CLSTN2: variants seen among roughly 807,000 people sequenced by gnomAD.
CLSTN2 encodes calsyntenin 2, also known as calsyntenin-2.
In CLSTN2, 48 loss-of-function variants were observed where a neutral mutation model predicts 101.2. The ratio of observed to expected loss-of-function variants is 0.47; its 90% CI spans 0.38 to 0.60. CLSTN2 has a LOEUF of 0.60. Ranked by LOEUF, CLSTN2 falls within the 20% of genes least tolerant of loss-of-function variation. The probability of loss-of-function intolerance (pLI) is 0.00; values close to 1 mark genes in which losing one functional copy is unlikely to be tolerated. For synonymous variants in CLSTN2, 481 were observed against 463.6 expected (o/e 1.04, Z -0.48); for missense variants, 1,160 against 1,238.2 (o/e 0.94, Z 0.95).
chr3:140,222,613 A>C lies in CLSTN2; in HGVS notation c.232+46540A>C, dbSNP rs189049739. 6.6e-5 allele frequency among the ~76,000 whole-genome samples: 10 copies of C among 152,314 alleles called. No homozygotes were observed. In the East Asian group the frequency reaches 1.9e-3, roughly 29 times the overall value. ...ATATATATACCTACTATGTACCCAC[A>C]AAAATTAAAAATGAAAAACTTTTTA... On this transcript the variant is annotated intron_variant, in intron 2 of 16. Coordinates refer to ENST00000458420, the MANE Select transcript of CLSTN2 (RefSeq NM_022131.3).
chr3:139,975,617 T>C (rs1935803467), intron 1 of CLSTN2, among the ~76,000 whole-genome samples: 1 of 152,058 alleles, frequency 6.6e-6, no homozygotes, highest in Non-Finnish European at 1.5e-5. Context: ...CATGTGAAGA[T>C]AGGAATGAAA....
chr3:139,942,888 T>A (rs921744985), intron 1 of CLSTN2, among the ~76,000 whole-genome samples: 1 of 152,170 alleles, frequency 6.6e-6, no homozygotes, highest in Non-Finnish European at 1.5e-5. Flanking sequence ...AGGCAACTTA[T>A]TTCCAATACT....
intron 1 of CLSTN2, among the ~76,000 whole-genome samples, chr3:140,107,627 T>C (rs2009081527): frequency 6.6e-6 from 1 of 152,182 alleles, no homozygotes; most frequent in Non-Finnish European, 1.5e-5. Flanking sequence ...AAGAAAATTT[T>C]CCTGTTTGTC....
intron 16 of CLSTN2, among the ~76,000 whole-genome samples, chr3:140,565,483 A>G (rs568263844): frequency 6.6e-6 from 1 of 152,280 alleles, no homozygotes; most frequent in African/African-American, 2.4e-5. Context: ...AGGAAGGGGT[A>G]CAGCCTGAGG....
chr3:139,960,173 A>T (rs981849417), intron 1 of CLSTN2, among the ~76,000 whole-genome samples: 1 of 152,238 alleles, frequency 6.6e-6, no homozygotes, highest in Non-Finnish European at 1.5e-5. Flanking sequence ...AAATGCTCCC[A>T]TCATGACTGA....
intron 2 of CLSTN2, among the ~76,000 whole-genome samples, chr3:140,312,823 T>C (rs1010019342): frequency 9.2e-5 from 14 of 152,360 alleles, no homozygotes; most frequent in African/African-American, 2.9e-4. Context: ...GAAAGAGAGA[T>C]GGAAATTTGC....
chr3:140,142,391 G>C, intron 1 of CLSTN2, among the ~76,000 whole-genome samples: 1 of 152,112 alleles, frequency 6.6e-6, no homozygotes, highest in Non-Finnish European at 1.5e-5. Flanking sequence ...GACTGTTCAG[G>C]CCCACACTGG....
chr3:140,554,312 C>T (rs879055179), intron 10 of CLSTN2, among the ~76,000 whole-genome samples: 1 of 152,154 alleles, frequency 6.6e-6, no homozygotes, highest in Admixed American at 6.5e-5. Flanking sequence ...ACATCCAACT[C>T]CTGTTTCAGT....
intron 2 of CLSTN2, among the ~76,000 whole-genome samples, chr3:140,343,180 T>G (rs1015942019): frequency 2.6e-5 from 4 of 152,198 alleles, no homozygotes; most frequent in African/African-American, 9.6e-5. Flanking sequence ...CCAGGCTCAC[T>G]GCTCTCCTTT....
At chr3:140,369,003 A>G (rs2087823114) in intron 2 of CLSTN2, among the ~76,000 whole-genome samples, 1 of 152,180 alleles carries the variant, frequency 6.6e-6, no homozygotes, top group African/African-American at 2.4e-5. Flanking sequence ...TGCCTCCCTC[A>G]CAGTGCATAA....
intron 1 of CLSTN2, among the ~76,000 whole-genome samples, chr3:140,149,725 G>A (rs771265033): frequency 1.3e-5 from 2 of 152,096 alleles, no homozygotes; most frequent in African/African-American, 4.8e-5. Context: ...CCAAAGTGCT[G>A]GGATTACAGG....
At chr3:140,164,029 G>A (rs1279641579) in intron 1 of CLSTN2, among the ~76,000 whole-genome samples, 1 of 152,116 alleles carries the variant, frequency 6.6e-6, no homozygotes, top group East Asian at 1.9e-4. Context: ...CAATCTTGGA[G>A]AATTAGAGAT....
intron 1 of CLSTN2, among the ~76,000 whole-genome samples, chr3:139,985,850 G>A (rs1936013171): frequency 6.6e-6 from 1 of 152,152 alleles, no homozygotes; most frequent in South Asian, 2.1e-4. Context: ...ATTCAGTATG[G>A]TAGTTACTAG....
At chr3:139,954,807 C>T (rs73867242) in intron 1 of CLSTN2, among the ~76,000 whole-genome samples, 7,594 of 152,008 alleles carry the variant, frequency 0.05, 590 homozygotes, top group African/African-American at 0.17. Context: ...TAAATTACTA[C>T]GGCATTTCAG....
chr3:140,552,401 TA>T (rs5852986), intron 10 of CLSTN2, among the ~76,000 whole-genome samples: 15,915 of 138,716 alleles, frequency 0.11, 1,743 homozygotes, highest in African/African-American at 0.29. Context: ...TACCGCAGTT[TA>T]AAAAAAAAAA....
intron 1 of CLSTN2, among the ~76,000 whole-genome samples, chr3:139,963,610 TG>T (rs1314827814): frequency 6.6e-6 from 1 of 152,224 alleles, no homozygotes; most frequent in African/African-American, 2.4e-5. Flanking sequence ...GTGAGCTTTT[TG>T]CTTAGACTGT....
At chr3:140,206,883 G>C (rs2010791037) in intron 2 of CLSTN2, among the ~76,000 whole-genome samples, 1 of 152,212 alleles carries the variant, frequency 6.6e-6, no homozygotes, top group Non-Finnish European at 1.5e-5. Flanking sequence ...GGCAGATGCA[G>C]AACCTACAGC....
intron 2 of CLSTN2, among the ~76,000 whole-genome samples, chr3:140,292,292 G>C (rs2086962037): frequency 6.6e-6 from 1 of 152,162 alleles, no homozygotes; most frequent in Admixed American, 6.5e-5. Flanking sequence ...ATGGCTGTCA[G>C]CCGCTTCTTT....
chr3:140,500,165 G>A (rs1422947709), intron 8 of CLSTN2, among the ~76,000 whole-genome samples: 2 of 152,172 alleles, frequency 1.3e-5, no homozygotes, highest in Non-Finnish European at 2.9e-5. Flanking sequence ...CAGAAATTCA[G>A]AGTCAGCTTG....
Sources: gnomAD v4.1 joint callset for allele counts (sites outside exome capture counted in the v4.1 genomes callset) on GRCh38, gnomAD v4.1.1 for gene constraint, MANE v1.5 for transcripts, NCBI Gene and HGNC (gene_info 2026-07-23, HGNC 2026-07-21) for gene names.